The following TRPM3 variants were observed in gnomAD, a reference collection of about 807,000 sequenced individuals.
TRPM3 encodes transient receptor potential cation channel subfamily M member 3.
A neutral mutation model predicts 181.2 loss-of-function variants in TRPM3; 77 were observed. That is an observed-to-expected ratio of 0.42 (90% CI 0.35 to 0.51). The LOEUF is 0.51. Ranked by LOEUF, TRPM3 falls within the 20% of genes least tolerant of loss-of-function variation. The pLI is 0.01. For synonymous variants in TRPM3, 745 were observed against 796.4 expected, an observed-to-expected ratio of 0.94 and a Z score of 1.09; for missense variants, 1,759 against 2,196.7, an observed-to-expected ratio of 0.80 and a Z score of 3.98.
At chr9:70,850,037 C>T (rs1347811245) in intron 3 of TRPM3, among the ~76,000 whole-genome samples, 1 of 152,106 alleles carries the variant, frequency 6.6e-6, no homozygotes, top group Non-Finnish European at 1.5e-5. Context: ...ATATATATGC[C>T]AGAAATCCAA....
chr9:70,821,467 T>C (rs2131589101), intron 6 of TRPM3, among the ~76,000 whole-genome samples: 1 of 152,326 alleles, frequency 6.6e-6, no homozygotes, highest in Non-Finnish European at 1.5e-5. Flanking sequence ...CTTTCTGGAG[T>C]AGTCCCTTGG....
intron 1 of TRPM3, among the ~76,000 whole-genome samples, chr9:71,444,927 G>A (rs2131696637): frequency 6.6e-6 from 1 of 152,330 alleles, no homozygotes; most frequent in South Asian, 2.1e-4. Flanking sequence ...GTGAGAATAA[G>A]CACAGGCTTT....
intron 11 of TRPM3, among the ~76,000 whole-genome samples, chr9:70,637,369 C>T (rs1042653526): frequency 6.6e-6 from 1 of 151,942 alleles, no homozygotes; most frequent in African/African-American, 2.4e-5. Flanking sequence ...TTCCATAATC[C>T]TCAACAAAGT....
At chr9:70,966,121 T>C (rs2097183065) in intron 1 of TRPM3, among the ~76,000 whole-genome samples, 1 of 149,728 alleles carries the variant, frequency 6.7e-6, no homozygotes, top group South Asian at 2.1e-4. Flanking sequence ...ACGACATACA[T>C]GTGGCCAACA....
rs1554896195 is a variant in TRPM3, at chr9:71,420,803, G to GAA, written c.183+25849_183+25850insTT. Among the ~76,000 whole-genome samples the GAA allele has an allele frequency of 1.0e-3, 10 of 9,858 alleles. 1 individual carries two copies. The highest frequency in any genetic ancestry group is 1.7e-3 in the African/African-American group (7 of 4,044). The allele number at this position is 9,858 out of a possible 152,430, so 6.5% of individuals were successfully genotyped here. On this transcript the variant is annotated intron_variant, in intron 1 of 24. Transcript: ENST00000357533. Reference sequence around the variant, plus strand: ...AGAGAGAGAAAGAGAGAGAAAGAAAGAGAGAAAGAAAGAGAGAAAGAGAGG... The same window carrying GAA: ...AGAGAGAGAAAGAGAGAGAAAGAAAGAAAGAGAAAGAAAGAGAGAAAGAGAGG...
rs755862358 is a variant in TRPM3 at position 70,598,556 on chromosome 9, G to T, written c.2911C>A (p.Arg971Ser). ...CTCCTGAAGGGCTGGTCTTGGAGACGAAGGATCATTCCGACAGAAAACAGA... is the reference window on the plus strand; with the variant it reads ...CTCCTGAAGGGCTGGTCTTGGAGACTAAGGATCATTCCGACAGAAAACAGA... Reference protein sequence around the residue: ...ILLFSVGMILRLQDQPFRSDG... With the variant: ...ILLFSVGMILSLQDQPFRSDG... Residue 971 changes from arginine to serine, a missense_variant, in exon 21 of 26, where the codon CGT (arginine) becomes AGT (serine). Arg to Ser is a moderately radical substitution (Grantham distance 110, BLOSUM62 -1). Around this residue, in one of 8 missense-constraint regions of TRPM3, gnomAD observed 100 missense variants for 123.0 expected, o/e 0.81. Coordinates refer to ENST00000677713, the MANE Select transcript of TRPM3 (RefSeq NM_001366145.2). 7 of 1,614,176 alleles carry T rather than the reference G, an allele frequency of 4.3e-6. No homozygotes were observed. Among genetic ancestry groups the T allele is most frequent in the Non-Finnish European group, 5.9e-6 (7 of 1,180,042 alleles).
chr9:71,220,356 T>TTTATTATTATTATTA (rs34805476), intron 1 of TRPM3, among the ~76,000 whole-genome samples: 193 of 145,932 alleles, frequency 1.3e-3, no homozygotes, highest in African/African-American at 4.6e-3. Flanking sequence ...AAAAGTCTGA[T>TTTATTATTATTATTA]TTATTATTAT....
rs1446944769 is a variant in TRPM3 at position 70,791,330 on chromosome 9, G to A, written c.974-7051C>T. On this transcript the variant is annotated intron_variant, in intron 6 of 25. Transcript: ENST00000677713. ...ACACAAGTTATTAAACAGTCGACAC[G>A]CAACAAAATGTTTCACTTCTAAATA... 6.6e-5 allele frequency among the ~76,000 whole-genome samples: 10 copies of A among 152,254 alleles called. No individual in the cohort carries two copies. The East Asian group carries it at 1.2e-3, about 18-fold the overall frequency.
chr9:70,996,734 T>C (rs1288836537), intron 1 of TRPM3, among the ~76,000 whole-genome samples: 1 of 152,258 alleles, frequency 6.6e-6, no homozygotes, highest in Non-Finnish European at 1.5e-5. Flanking sequence ...TCAAGTTTTC[T>C]TTTTTGGTTT....
intron 1 of TRPM3, among the ~76,000 whole-genome samples, chr9:70,880,205 G>A (rs2095961293): frequency 6.6e-6 from 1 of 152,022 alleles, no homozygotes; most frequent in Non-Finnish European, 1.5e-5. Context: ...TAGGGGTACA[G>A]AACATTTTTT....
At chr9:70,643,398 G>A (rs976956547) in intron 9 of TRPM3, among the ~76,000 whole-genome samples, 21 of 152,252 alleles carry the variant, frequency 1.4e-4, no homozygotes, top group Non-Finnish European at 2.5e-4. Context: ...ATAGCAGCAC[G>A]AGCCTGAACA....
intron 12 of TRPM3, among the ~76,000 whole-genome samples, chr9:70,629,135 C>A (rs972217164): frequency 7.0e-6 from 1 of 143,674 alleles, no homozygotes; most frequent in Non-Finnish European, 1.5e-5. Context: ...CTGGGATCGT[C>A]TCATATAAAG....
intron 1 of TRPM3, among the ~76,000 whole-genome samples, chr9:71,403,092 A>C (rs866216876): frequency 3.9e-4 from 59 of 152,316 alleles, no homozygotes; most frequent in Middle Eastern, 3.4e-3. Flanking sequence ...AATGGCTCCC[A>C]ACTCAGACTG....
chr9:71,097,316 T>C (rs1174572260), intron 1 of TRPM3, among the ~76,000 whole-genome samples: 1 of 152,146 alleles, frequency 6.6e-6, no homozygotes, highest in Non-Finnish European at 1.5e-5. Flanking sequence ...GGATATATAC[T>C]GTATATACAA....
chr9:70,741,890 G>A (rs1279420828), intron 8 of TRPM3, among the ~76,000 whole-genome samples: 1 of 152,028 alleles, frequency 6.6e-6, no homozygotes, highest in Non-Finnish European at 1.5e-5. Context: ...CCCGGGTGAT[G>A]GGTGCACCAA....
At chr9:70,587,702 A>G (rs1181471122) in intron 22 of TRPM3, among the ~76,000 whole-genome samples, 1 of 152,164 alleles carries the variant, frequency 6.6e-6, no homozygotes, top group Admixed American at 6.5e-5. Flanking sequence ...ACTACCCAAA[A>G]GGGTGTCATC....
intron 1 of TRPM3, among the ~76,000 whole-genome samples, chr9:71,027,902 C>A (rs2056782992): frequency 6.6e-6 from 1 of 152,172 alleles, no homozygotes; most frequent in Non-Finnish European, 1.5e-5. Flanking sequence ...TTCAGGATTT[C>A]AGCCATGAAA....
chr9:71,252,238 G>C (rs1264611930), intron 1 of TRPM3, among the ~76,000 whole-genome samples: 2 of 151,832 alleles, frequency 1.3e-5, no homozygotes, highest in Non-Finnish European at 2.9e-5. Flanking sequence ...TCTAATTATG[G>C]CCAATTGAGG....
chr9:70,697,797 G>A (rs562446766), intron 8 of TRPM3, among the ~76,000 whole-genome samples: 10 of 152,142 alleles, frequency 6.6e-5, no homozygotes, highest in African/African-American at 2.4e-4. Context: ...AATGGTATAT[G>A]GTTCTCCAGC....
Sources: allele counts gnomAD v4.1 joint callset (sites outside exome capture counted in the v4.1 genomes callset), GRCh38; gene constraint gnomAD v4.1.1; regional missense constraint gnomAD v4.1.1; transcripts MANE v1.5; gene names NCBI Gene and HGNC (gene_info 2026-07-23, HGNC 2026-07-21).